RSF1: variants seen among roughly 807,000 people sequenced by gnomAD.
RSF1 encodes remodeling and spacing factor 1, also known as HBV pX-associated protein 8.
A neutral mutation model predicts 145.2 loss-of-function variants in RSF1; 13 were observed. That is an observed-to-expected ratio of 0.09 (90% CI 0.06 to 0.14). RSF1 has a LOEUF of 0.14. RSF1 is among the 10% of genes least tolerant of loss of function. The pLI, the probability that RSF1 is intolerant of heterozygous loss-of-function variation, is 1.00. For synonymous variants in RSF1, 577 were observed against 592.6 expected, an observed-to-expected ratio of 0.97 and a Z score of 0.38; for missense variants, 1,517 against 1,718.2, an observed-to-expected ratio of 0.88 and a Z score of 2.07.
At chr11:77,770,522 T>C (rs1948271990) in intron 1 of RSF1, among the ~76,000 whole-genome samples, 1 of 152,130 alleles carries the variant, frequency 6.6e-6, no homozygotes, top group African/African-American at 2.4e-5. Context: ...CTCACCTCAT[T>C]ACCATTGTGG....
rs1373482512 is a variant in RSF1, at chr11:77,738,609, A to G, written c.578+2122T>C. ...TAAGTGGATGAACCCAGATTCAAAC[A>G]TAACTGTTAACTCTAAAATTTCACA... On this transcript the variant is annotated intron_variant, in intron 4 of 15. Transcript: ENST00000308488. The G allele has an allele frequency of 4.6e-5, 7 of 152,332 alleles. No homozygotes were observed. The South Asian group carries it at 1.2e-3, about 27-fold the overall frequency. The allele number at this position is 152,332 out of a possible 1,614,324, so 9.4% of individuals were successfully genotyped here. A position where few individuals can be genotyped will look rare whatever the true frequency, so the allele number is the denominator to read the frequency against.
At chr11:77,827,084 G>T in the RSF1 span, among the ~76,000 whole-genome samples, 1 of 149,726 alleles carries the variant, frequency 6.7e-6, no homozygotes, top group East Asian at 1.9e-4. Context: ...CAGCCTGGGT[G>T]ACAGAGCGAA....
intron 9 of RSF1, among the ~76,000 whole-genome samples, chr11:77,688,735 G>C: frequency 6.6e-6 from 1 of 152,108 alleles, no homozygotes; most frequent in Non-Finnish European, 1.5e-5. Context: ...AGACCAGCCT[G>C]GGCAACATAG....
At chr11:77,808,864 A>G (rs1948704980) in intron 1 of RSF1, among the ~76,000 whole-genome samples, 2 of 152,220 alleles carry the variant, frequency 1.3e-5, no homozygotes, top group Admixed American at 1.3e-4. Flanking sequence ...AATAATGTTC[A>G]TGCTAATAAA....
chr11:77,809,775 A>C (rs112150677), intron 1 of RSF1, among the ~76,000 whole-genome samples: 21 of 152,342 alleles, frequency 1.4e-4, no homozygotes, highest in African/African-American at 4.8e-4. Flanking sequence ...ATATTACCAT[A>C]TTGCTATATC....
chr11:77,693,930 G>T (rs985831342), intron 7 of RSF1, among the ~76,000 whole-genome samples: 1 of 151,876 alleles, frequency 6.6e-6, no homozygotes, highest in African/African-American at 2.4e-5. Context: ...GACTACAGGT[G>T]CCTGCCACCA....
At chr11:77,711,414 A>T (rs1408888987) in intron 5 of RSF1, among the ~76,000 whole-genome samples, 1 of 152,196 alleles carries the variant, frequency 6.6e-6, no homozygotes, top group Non-Finnish European at 1.5e-5. Flanking sequence ...TCACGCCTGT[A>T]ATCCCAGCAC....
At chr11:77,792,750 AAC>A (rs1257160017) in intron 1 of RSF1, among the ~76,000 whole-genome samples, 184 of 152,210 alleles carry the variant, frequency 1.2e-3, no homozygotes, top group African/African-American at 4.2e-3. Flanking sequence ...AAAAAAAAAA[AAC>A]TGCCAATCAA....
the RSF1 span, among the ~76,000 whole-genome samples, chr11:77,834,646 C>T: frequency 2.0e-5 from 3 of 151,930 alleles, no homozygotes; most frequent in African/African-American, 7.3e-5. Flanking sequence ...AACTCCTGAC[C>T]TCAGGTGATC....
intron 5 of RSF1, among the ~76,000 whole-genome samples, chr11:77,721,117 G>A (rs556166334): frequency 2.6e-4 from 40 of 152,252 alleles, no homozygotes; most frequent in African/African-American, 8.2e-4. Flanking sequence ...AATAAGAGTG[G>A]TTGTTATTCC....
intron 5 of RSF1, among the ~76,000 whole-genome samples, chr11:77,705,436 C>T (rs967512457): frequency 6.6e-6 from 1 of 152,192 alleles, no homozygotes; most frequent in Non-Finnish European, 1.5e-5. Context: ...TTATTATGTG[C>T]TTTCTCCACC....
chr11:77,809,069 C>T (rs1948706911), intron 1 of RSF1, among the ~76,000 whole-genome samples: 1 of 152,120 alleles, frequency 6.6e-6, no homozygotes, highest in African/African-American at 2.4e-5. Flanking sequence ...GCCAGACTTA[C>T]CCAGTTTTAA....
the RSF1 span, among the ~76,000 whole-genome samples, chr11:77,864,120 T>A: frequency 6.6e-6 from 1 of 151,774 alleles, no homozygotes; most frequent in African/African-American, 2.4e-5. Context: ...AGAGATGGAG[T>A]TTCACCATGT....
At chr11:77,793,720 C>T (rs987407709) in intron 1 of RSF1, among the ~76,000 whole-genome samples, 1 of 152,262 alleles carries the variant, frequency 6.6e-6, no homozygotes, top group Non-Finnish European at 1.5e-5. Flanking sequence ...GCTGGCTAGG[C>T]AGGTATCCCC....
In RSF1 at chr11:77,685,294, A is replaced by ATTAT. The variant is rs528708029; in HGVS notation, c.2901-139_2901-136dup. On this transcript the variant is annotated intron_variant, in intron 9 of 15. Coordinates refer to ENST00000308488, the MANE Select transcript of RSF1 (RefSeq NM_016578.4). ...AGGGTAAGTCACAGAAATGTTAGCT[A>ATTAT]TTATTTATTTATTTATTTATAGACA... 3.4e-3 allele frequency: 1,552 copies of ATTAT among 456,690 alleles called. 23 individuals are homozygous for ATTAT. Among genetic ancestry groups the ATTAT allele is most frequent in the African/African-American group, 0.027 (1,298 of 48,264 alleles). 28.3% of individuals were successfully genotyped at this position (456,690 alleles called of 1,614,324 possible).
At chr11:77,778,330 G>T (rs939136928) in intron 1 of RSF1, among the ~76,000 whole-genome samples, 3 of 151,438 alleles carry the variant, frequency 2.0e-5, no homozygotes, top group Admixed American at 6.6e-5. Flanking sequence ...GTTCCTAGCG[G>T]TGTTTTACTA....
chr11:77,760,600 T>C (rs1948161257), intron 2 of RSF1, among the ~76,000 whole-genome samples: 1 of 152,188 alleles, frequency 6.6e-6, no homozygotes, highest in Admixed American at 6.5e-5. Context: ...ATACTAACAA[T>C]GCATATAAAA....
At chr11:77,830,447 C>A in the RSF1 span, among the ~76,000 whole-genome samples, 23 of 152,008 alleles carry the variant, frequency 1.5e-4, no homozygotes, top group Non-Finnish European at 5.9e-5. Flanking sequence ...GTCTTACAAA[C>A]CTGCCGTGAA....
intron 5 of RSF1, among the ~76,000 whole-genome samples, chr11:77,705,258 T>C (rs1293312900): frequency 1.3e-5 from 2 of 152,124 alleles, no homozygotes; most frequent in Admixed American, 6.5e-5. Flanking sequence ...AGCACATAAA[T>C]GAGTTTAAAA....
Sources: gnomAD v4.1 joint callset for allele counts (sites outside exome capture counted in the v4.1 genomes callset) on GRCh38, gnomAD v4.1.1 for gene constraint, MANE v1.5 for transcripts, NCBI Gene and HGNC (gene_info 2026-07-23, HGNC 2026-07-21) for gene names.